The following PHF21A variants were observed in gnomAD, a reference collection of about 807,000 sequenced individuals.
PHF21A encodes the protein BHC80a.
A neutral mutation model predicts 82.5 loss-of-function variants in PHF21A; 11 were observed. The ratio of observed to expected loss-of-function variants is 0.13; its 90% CI spans 0.08 to 0.22. The LOEUF is 0.22. Among genes scored for constraint, PHF21A ranks in the 10% least tolerant of loss-of-function variants. The pLI is 1.00. For synonymous variants in PHF21A, 297 were observed against 302.8 expected, an observed-to-expected ratio of 0.98 and a Z score of 0.20; for missense variants, 579 against 837.8, an observed-to-expected ratio of 0.69 and a Z score of 3.81.
chr11:45,963,227 C>T (rs1338350237), intron 10 of PHF21A, among the ~76,000 whole-genome samples: 1 of 151,692 alleles, frequency 6.6e-6, no homozygotes, highest in Non-Finnish European at 1.5e-5. Context: ...TGAGACCAGC[C>T]TGGCCAACAT....
intron 6 of PHF21A, among the ~76,000 whole-genome samples, chr11:45,998,590 G>A (rs1201428873): frequency 1.3e-5 from 2 of 151,272 alleles, no homozygotes; most frequent in African/African-American, 4.9e-5. Flanking sequence ...TTGGCTCGGC[G>A]CAACCTCCAC....
At chr11:46,079,092 T>G (rs755168407) in intron 5 of PHF21A, 42 bp downstream of exon 5, 2 of 1,244,260 alleles carry the variant, frequency 1.6e-6, no homozygotes, top group South Asian at 2.8e-5. Context: ...TTTAAATTAT[T>G]TTTAAATTTA....
chr11:46,102,291 A>G (rs1169624384), intron 1 of PHF21A, among the ~76,000 whole-genome samples: 1 of 152,262 alleles, frequency 6.6e-6, no homozygotes, highest in Non-Finnish European at 1.5e-5. Context: ...TTAACTCAAC[A>G]TGTAACCATA....
At position 45,945,903 on chromosome 11, in the gene PHF21A, C is replaced by T. The variant is rs1645196385; in HGVS notation, c.1389G>A (p.Glu463=). 6.2e-7 allele frequency: 1 copy of T among 1,612,210 alleles called. No individual in the cohort carries two copies. Among genetic ancestry groups the T allele is most frequent in the Admixed American group, 1.7e-5 (1 of 59,534 alleles). Residue 463 remains glutamate, a synonymous_variant, in exon 15 of 19, where the codon GAG becomes GAA. Coordinates refer to ENST00000676320, the MANE Select transcript of PHF21A (RefSeq NM_001352027.3). ...HPDSPENEKT[E]TTFTFPAPVQ... Reference sequence around the variant, plus strand: ...CAGGTGCAGGGAAAGTGAATGTGGTCTCTGTCTTTTCATTTTCAGGGGAGT... The same window carrying T: ...CAGGTGCAGGGAAAGTGAATGTGGTTTCTGTCTTTTCATTTTCAGGGGAGT...
chr11:45,957,751 CAAAAAAAAAA>C, intron 10 of PHF21A, among the ~76,000 whole-genome samples: 3 of 60,894 alleles, frequency 4.9e-5, no homozygotes, highest in Non-Finnish European at 1.0e-4. Context: ...AAATTCAAAG[CAAAAAAAAAA>C]AAAAAAAAGA....
At chr11:46,074,100 C>T (rs2096691108) in intron 6 of PHF21A, among the ~76,000 whole-genome samples, 1 of 151,000 alleles carries the variant, frequency 6.6e-6, no homozygotes, top group Non-Finnish European at 1.5e-5. Context: ...TAGTGACTAT[C>T]TGCAATGGTT....
At position 45,971,259 on chromosome 11, in the gene PHF21A, C is replaced by T. The variant is rs1164914176; in HGVS notation, c.469G>A (p.Ala157Thr). Residue 157 changes from alanine (A) to threonine (T), a missense_variant, in exon 8 of 19, where the codon GCT becomes ACT. By Grantham distance (58) the Ala-to-Thr change is moderately conservative (BLOSUM62 0). Around this residue, in one of 3 missense-constraint regions of PHF21A, gnomAD observed 410 missense variants for 642.1 expected, o/e 0.64. Transcript: ENST00000676320. ...TGACTGTTGATGGCGGTCACCATAG[C>T]AATGGTAGGTCTCTGGCCCACCACA... is the stretch of plus-strand genomic sequence containing the variant. ...ASVVGQRPTI[A>T]MVTAINSQKA... is the part of the protein sequence containing the mutation. 1 of 1,614,156 alleles carries T rather than the reference C, an allele frequency of 6.2e-7. No individual in the cohort carries two copies. The highest frequency in any genetic ancestry group is 8.5e-7 in the Non-Finnish European group (1 of 1,180,042).
intron 6 of PHF21A, among the ~76,000 whole-genome samples, chr11:46,019,112 G>A (rs2095579068): frequency 6.6e-6 from 1 of 150,438 alleles, no homozygotes; most frequent in South Asian, 2.1e-4. Context: ...TGGAGCCTTT[G>A]AAACTCACAG....
At chr11:46,061,204 T>C (rs986833171) in intron 6 of PHF21A, among the ~76,000 whole-genome samples, 1 of 152,228 alleles carries the variant, frequency 6.6e-6, no homozygotes, top group Non-Finnish European at 1.5e-5. Context: ...TTTTGGTCAC[T>C]GTGACCCTGT....
intron 6 of PHF21A, among the ~76,000 whole-genome samples, chr11:46,018,303 C>T (rs1156966892): frequency 6.6e-6 from 1 of 151,242 alleles, no homozygotes; most frequent in Non-Finnish European, 1.5e-5. Context: ...CTTATAAAAG[C>T]ATCAAAATGT....
At chr11:45,950,401 A>G in intron 11 of PHF21A, 144 bp from the exon 12 acceptor site, 1 of 564,952 alleles carries the variant, frequency 1.8e-6, no homozygotes, top group Non-Finnish European at 3.2e-6. Flanking sequence ...CTAAGCAGCC[A>G]TGGAGATCCT....
chr11:45,939,468 C>T lies in PHF21A; in HGVS notation c.1453-1156G>A, dbSNP rs539748930. On this transcript the variant is annotated intron_variant, in intron 15 of 18. Coordinates refer to ENST00000676320, the MANE Select transcript of PHF21A (RefSeq NM_001352027.3). ...GTCAGAAACAAATTAAATTCATATGCGAGTTCTTTCTAAAATGAAGAATTT... is the reference window on the plus strand; with the variant it reads ...GTCAGAAACAAATTAAATTCATATGTGAGTTCTTTCTAAAATGAAGAATTT... Among the ~76,000 whole-genome samples the T allele has an allele frequency of 4.6e-5, 7 of 152,178 alleles. No homozygotes were observed. The South Asian group carries it at 6.2e-4, about 14-fold the overall frequency.
At chr11:45,989,794 T>A (rs1399235081) in intron 6 of PHF21A, among the ~76,000 whole-genome samples, 1 of 151,824 alleles carries the variant, frequency 6.6e-6, no homozygotes, top group Non-Finnish European at 1.5e-5. Flanking sequence ...GGCCCAGGAG[T>A]TCGAGACCAG....
intron 6 of PHF21A, among the ~76,000 whole-genome samples, chr11:46,007,147 A>G (rs2095313421): frequency 6.6e-6 from 1 of 152,194 alleles, no homozygotes; most frequent in Admixed American, 6.5e-5. Context: ...ACATCTATCA[A>G]CACTAGCTCA....
rs539008010 is a variant in PHF21A at position 46,014,181 on chromosome 11, G to C, written c.154-34215C>G. Among the ~76,000 whole-genome samples, 12 of 152,188 alleles carry C rather than the reference G, an allele frequency of 7.9e-5. No homozygotes were observed. The South Asian group carries it at 2.5e-3, about 32-fold the overall frequency. On this transcript the variant is annotated intron_variant, in intron 6 of 18. Transcript: ENST00000676320. Reference sequence around the variant, plus strand: ...TCCCATCCTTCCCTACTCACTTGTGGAGTCCCTAGTGTTTACTGTTCCCAT... The same window carrying C: ...TCCCATCCTTCCCTACTCACTTGTGCAGTCCCTAGTGTTTACTGTTCCCAT...
rs915736869 is a variant in PHF21A at position 46,121,139 on chromosome 11, CCCT to C, written c.-444_-442del. The C allele has an allele frequency of 1.7e-4, 25 of 150,982 alleles. No individual in the cohort carries two copies. The highest frequency in any genetic ancestry group is 4.0e-4 in the East Asian group (2 of 5,022). The allele number at this position is 150,982 out of a possible 1,614,324, so 9.4% of individuals were successfully genotyped here. ...TTAAGATGGTAGGTTGTTCCCTTCT[CCCT>C]CCTCCTCCTCCTCCTCTCCTCTCCT... On this transcript the variant is annotated 5_prime_UTR_variant, in exon 1 of 19. Coordinates refer to ENST00000676320, the MANE Select transcript of PHF21A (RefSeq NM_001352027.3).
chr11:45,962,272 C>A (rs1470629203), intron 10 of PHF21A, among the ~76,000 whole-genome samples: 3 of 149,622 alleles, frequency 2.0e-5, no homozygotes, highest in Non-Finnish European at 3.0e-5. Flanking sequence ...CCTATTTAGC[C>A]TGGTCATAGA....
chr11:46,006,141 C>G (rs1370083224), intron 6 of PHF21A, among the ~76,000 whole-genome samples: 1 of 152,130 alleles, frequency 6.6e-6, no homozygotes, highest in African/African-American at 2.4e-5. Flanking sequence ...GATTAACTGA[C>G]AAGTAGATCA....
intron 1 of PHF21A, among the ~76,000 whole-genome samples, chr11:46,101,679 C>A (rs550136140): frequency 6.6e-6 from 1 of 152,216 alleles, no homozygotes; most frequent in East Asian, 1.9e-4. Context: ...GTTGCCCAGG[C>A]TGGAGTGCAG....
Sources: allele counts gnomAD v4.1 joint callset (sites outside exome capture counted in the v4.1 genomes callset), GRCh38; gene constraint gnomAD v4.1.1; regional missense constraint gnomAD v4.1.1; transcripts MANE v1.5; gene names NCBI Gene and HGNC (gene_info 2026-07-23, HGNC 2026-07-21).